The following ETV1 variants were observed in gnomAD, a reference collection of about 807,000 sequenced individuals.
ETV1 encodes the protein ETS variant transcription factor 1.
A neutral mutation model predicts 62.3 loss-of-function variants in ETV1; 27 were observed. The ratio of observed to expected loss-of-function variants is 0.43; its 90% CI spans 0.32 to 0.60. ETV1 has a LOEUF of 0.60. Ranked by LOEUF, ETV1 falls within the 20% of genes least tolerant of loss-of-function variation. The probability of loss-of-function intolerance (pLI) is 0.06; values close to 1 mark genes in which losing one functional copy is unlikely to be tolerated. For missense variants in ETV1, 605 were observed against 605.8 expected, an observed-to-expected ratio of 1.00 and a Z score of 0.01; for synonymous variants, 222 against 199.6, an observed-to-expected ratio of 1.11 and a Z score of -0.94.
intron 6 of ETV1, among the ~76,000 whole-genome samples, chr7:13,962,491 G>A (rs978908945): frequency 6.6e-6 from 1 of 152,072 alleles, no homozygotes; most frequent in Non-Finnish European, 1.5e-5. Flanking sequence ...ATATAAAAAA[G>A]TAGTATCAGA....
rs1398081349 is a variant in ETV1 at position 13,895,752 on chromosome 7, T to A, written c.*114A>T. 1.3e-5 allele frequency: 10 copies of A among 758,966 alleles called. No individual in the cohort carries two copies. The highest frequency in any genetic ancestry group is 2.2e-5 in the Non-Finnish European group (10 of 461,674). 47.0% of individuals were successfully genotyped at this position (758,966 alleles called of 1,614,324 possible). A position where few individuals can be genotyped will look rare whatever the true frequency, so the allele number is the denominator to read the frequency against. ...ACAGGAAAAGCCCCTTTTTGTGTATTATTATTTAAAAATAAAATACAAACA... is the reference window on the plus strand; with the variant it reads ...ACAGGAAAAGCCCCTTTTTGTGTATAATTATTTAAAAATAAAATACAAACA... On this transcript the variant is annotated 3_prime_UTR_variant, in exon 14 of 14. Transcript: ENST00000430479.
chr7:13,963,694 G>T (rs1790452535), intron 6 of ETV1, among the ~76,000 whole-genome samples: 1 of 152,008 alleles, frequency 6.6e-6, no homozygotes, highest in Non-Finnish European at 1.5e-5. Context: ...CTGCTTATAT[G>T]TACATTACGT....
intron 5 of ETV1, among the ~76,000 whole-genome samples, chr7:13,985,815 T>A (rs1782496966): frequency 6.6e-6 from 1 of 152,202 alleles, no homozygotes; most frequent in African/African-American, 2.4e-5. Flanking sequence ...TCCCTCAACA[T>A]TAGGCATTTT....
chr7:13,909,400 C>T (rs1783326521), intron 11 of ETV1, among the ~76,000 whole-genome samples: 1 of 152,134 alleles, frequency 6.6e-6, no homozygotes, highest in African/African-American at 2.4e-5. Context: ...AAGAATGATG[C>T]TCTTTGTCTA....
chr7:13,988,568 A>T, intron 3 of ETV1: 1 of 745,564 alleles, frequency 1.3e-6, no homozygotes, highest in Non-Finnish European at 1.8e-6. Context: ...CCCCCACAAA[A>T]AAAAAAAGCA....
chr7:13,942,837 TATC>T (rs1787719305), intron 6 of ETV1, among the ~76,000 whole-genome samples: 1 of 152,188 alleles, frequency 6.6e-6, no homozygotes, highest in Non-Finnish European at 1.5e-5. Context: ...ATGTAAAGTT[TATC>T]ATATTTATCA....
rs1783566097 is a variant in ETV1, at chr7:13,911,496, GGT to G, written c.803-191_803-190del. The stretch of plus-strand genomic sequence containing the variant: ...TGAAAGAATGAAGAGTATATATCTT[GGT>G]GAATGCTGATTCTCTTGAATAGGAA... On this transcript the variant is annotated intron_variant, in intron 9 of 13. Coordinates refer to ENST00000430479, the MANE Select transcript of ETV1 (RefSeq NM_004956.5). Among the ~76,000 whole-genome samples, 3 of 152,220 alleles carry G rather than the reference GGT, an allele frequency of 2.0e-5. No individual in the cohort carries two copies. The South Asian group carries it at 6.2e-4, about 32-fold the overall frequency.
At chr7:13,986,174 C>A in intron 5 of ETV1, 1 of 1,591,906 alleles carries the variant, frequency 6.3e-7, no homozygotes, top group Non-Finnish European at 8.6e-7. Flanking sequence ...AATCTTGAAG[C>A]ATCCCGTCCT....
At chr7:13,947,261 T>G (rs1289093097) in intron 6 of ETV1, among the ~76,000 whole-genome samples, 1 of 152,054 alleles carries the variant, frequency 6.6e-6, no homozygotes, top group Admixed American at 6.6e-5. Context: ...ATTTTTACAG[T>G]GAAGATGATG....
intron 12 of ETV1, among the ~76,000 whole-genome samples, chr7:13,903,982 G>C (rs1383843942): frequency 2.0e-5 from 3 of 151,996 alleles, no homozygotes; most frequent in African/African-American, 7.3e-5. Context: ...TAAAGAAATG[G>C]AACCCATCAG....
intron 10 of ETV1, 139 bp from the exon 11 acceptor site, chr7:13,909,839 T>C: frequency 1.5e-6 from 1 of 688,174 alleles, no homozygotes; most frequent in Non-Finnish European, 2.5e-6. Context: ...CTGGACACAT[T>C]ATTTAACCTC....
At chr7:13,950,680 G>T (rs1413350036) in intron 6 of ETV1, among the ~76,000 whole-genome samples, 1 of 151,876 alleles carries the variant, frequency 6.6e-6, no homozygotes, top group African/African-American at 2.4e-5. Flanking sequence ...TCCAGATTGG[G>T]GTCCATCTTT....
At chr7:13,960,978 A>G (rs1371536836) in intron 6 of ETV1, among the ~76,000 whole-genome samples, 1 of 152,008 alleles carries the variant, frequency 6.6e-6, no homozygotes, top group Non-Finnish European at 1.5e-5. Flanking sequence ...CCTTTCTACA[A>G]ATAATAATAA....
chr7:13,937,756 CATT>C (rs1272711925), intron 7 of ETV1, among the ~76,000 whole-genome samples: 1 of 152,202 alleles, frequency 6.6e-6, no homozygotes, highest in East Asian at 1.9e-4. Flanking sequence ...TATCTGAACT[CATT>C]ATGCTTTAAT....
chr7:13,925,845 C>CA, intron 9 of ETV1, among the ~76,000 whole-genome samples: 1 of 151,852 alleles, frequency 6.6e-6, no homozygotes. Flanking sequence ...CATGAGCCAC[C>CA]GCGCCTGGCC....
intron 8 of ETV1, among the ~76,000 whole-genome samples, chr7:13,934,052 G>A (rs1786498339): frequency 6.6e-6 from 1 of 152,166 alleles, no homozygotes; most frequent in African/African-American, 2.4e-5. Context: ...CACCAGTAGT[G>A]GAGAAAATAA....
At chr7:13,973,308 T>A (rs1300707645) in intron 6 of ETV1, among the ~76,000 whole-genome samples, 1 of 152,142 alleles carries the variant, frequency 6.6e-6, no homozygotes, top group Non-Finnish European at 1.5e-5. Context: ...TTTAAAAATA[T>A]CCCCATAGAA....
intron 12 of ETV1, among the ~76,000 whole-genome samples, chr7:13,904,883 T>C (rs1782798003): frequency 6.6e-6 from 1 of 150,946 alleles, no homozygotes; most frequent in Non-Finnish European, 1.5e-5. Flanking sequence ...AGAGTATCTA[T>C]GAAAAAACTA....
chr7:13,915,494 T>G (rs1037831147), intron 9 of ETV1, among the ~76,000 whole-genome samples: 1 of 152,228 alleles, frequency 6.6e-6, no homozygotes, highest in African/African-American at 2.4e-5. Context: ...ATTTTATCTC[T>G]TTTAAACTTA....
Sources: gnomAD v4.1 joint callset for allele counts (sites outside exome capture counted in the v4.1 genomes callset) on GRCh38, gnomAD v4.1.1 for gene constraint, MANE v1.5 for transcripts, NCBI Gene and HGNC (gene_info 2026-07-23, HGNC 2026-07-21) for gene names.